Variants in DPP10 observed in about 807,000 individuals in gnomAD.
DPP10 encodes inactive dipeptidyl peptidase 10.
A neutral mutation model predicts 120.9 loss-of-function variants in DPP10; 33 were observed. The observed-to-expected ratio is 0.27, with a 90% CI of 0.21 to 0.37. The LOEUF is 0.37. Among genes scored for constraint, DPP10 ranks in the 10% least tolerant of loss-of-function variants. The probability of loss-of-function intolerance (pLI) is 1.00; values close to 1 mark genes in which losing one functional copy is unlikely to be tolerated. For missense variants in DPP10, 816 were observed against 942.8 expected (o/e 0.87, Z 1.76); for synonymous variants, 337 against 326.1 (o/e 1.03, Z -0.36).
rs886216941 is a variant in DPP10, at chr2:115,002,497, G to T, written c.61-306742G>T. Among the ~76,000 whole-genome samples, 8 of 150,656 alleles carry T rather than the reference G, an allele frequency of 5.3e-5. 1 individual carries two copies. The highest frequency in any genetic ancestry group is 1.2e-4 in the Non-Finnish European group (8 of 67,398). ...ATGACAGAGTCCAAAAGCAATTGCA[G>T]CAAAAACAAAAATTGATAAATGGCA... On this transcript the variant is annotated intron_variant, in intron 1 of 25. Transcript: ENST00000410059.
intron 1 of DPP10, among the ~76,000 whole-genome samples, chr2:114,478,782 A>G (rs566606167): frequency 5.9e-4 from 90 of 152,258 alleles, no homozygotes; most frequent in African/African-American, 1.8e-3. Flanking sequence ...CCAACTGTGA[A>G]CATACAACAA....
chr2:114,841,466 G>A (rs530839980), intron 1 of DPP10, among the ~76,000 whole-genome samples: 1 of 152,302 alleles, frequency 6.6e-6, no homozygotes, highest in South Asian at 2.1e-4. Flanking sequence ...AGCAATGAAT[G>A]CCTTTAGTAG....
At chr2:115,690,059 C>G (rs971090584) in intron 7 of DPP10, 138 bp downstream of exon 7, 1 of 712,326 alleles carries the variant, frequency 1.4e-6, no homozygotes, top group Non-Finnish European at 2.3e-6. Context: ...TATCTTTTAT[C>G]TAATAGTCCA....
chr2:115,441,934 G>A (rs559743533), intron 3 of DPP10, among the ~76,000 whole-genome samples: 2 of 149,788 alleles, frequency 1.3e-5, no homozygotes, highest in Non-Finnish European at 3.0e-5. Context: ...TCCTGCCTCA[G>A]CCTCCTGAGT....
intron 1 of DPP10, among the ~76,000 whole-genome samples, chr2:114,752,022 T>G (rs1005316380): frequency 6.6e-6 from 1 of 152,230 alleles, no homozygotes; most frequent in South Asian, 2.1e-4. Flanking sequence ...ATGTGCAGCA[T>G]GGCCCCAGTT....
rs149356261 is a variant in DPP10 at position 115,524,295 on chromosome 2, A to G, written c.367-1603A>G. Among the ~76,000 whole-genome samples the G allele has an allele frequency of 4.1e-4, 63 of 152,160 alleles. No individual in the cohort carries two copies. In the East Asian group the frequency reaches 0.012, roughly 29 times the overall value. On this transcript the variant is annotated intron_variant, in intron 4 of 25. Coordinates refer to ENST00000410059, the MANE Select transcript of DPP10 (RefSeq NM_020868.6). ...GGCTACAAATGTGAGGGTTCTCATT[A>G]CCCCTTTTCAGGCTGGAGAATTTCT...
chr2:114,895,488 T>A (rs1279571224), intron 1 of DPP10, among the ~76,000 whole-genome samples: 1 of 152,100 alleles, frequency 6.6e-6, no homozygotes, highest in Non-Finnish European at 1.5e-5. Flanking sequence ...AATGTCAAAA[T>A]CTCCCACAGT....
intron 3 of DPP10, among the ~76,000 whole-genome samples, chr2:115,442,599 A>G (rs1295640048): frequency 6.6e-6 from 1 of 152,190 alleles, no homozygotes; most frequent in Non-Finnish European, 1.5e-5. Flanking sequence ...TACAAAGGAA[A>G]GACAGTCGAA....
chr2:115,823,823 T>C (rs891423270), intron 21 of DPP10, among the ~76,000 whole-genome samples: 1 of 152,188 alleles, frequency 6.6e-6, no homozygotes, highest in Non-Finnish European at 1.5e-5. Context: ...AAACAAGTCT[T>C]CCTTGTAAGA....
chr2:115,414,816 A>G (rs1342526327), intron 3 of DPP10, among the ~76,000 whole-genome samples: 4 of 152,210 alleles, frequency 2.6e-5, no homozygotes, highest in African/African-American at 2.4e-5. Context: ...TTCATGCATC[A>G]AAAGCCAACT....
intron 1 of DPP10, among the ~76,000 whole-genome samples, chr2:114,542,422 C>T (rs1031248963): frequency 6.6e-6 from 1 of 152,146 alleles, no homozygotes; most frequent in African/African-American, 2.4e-5. Context: ...CACATGCTTT[C>T]CAGAAGGCTG....
At chr2:115,346,047 T>C (rs1374555888) in intron 3 of DPP10, among the ~76,000 whole-genome samples, 4 of 152,190 alleles carry the variant, frequency 2.6e-5, no homozygotes, top group Admixed American at 2.0e-4. Context: ...ATAAATACCA[T>C]TGAAGGAACT....
chr2:114,482,749 T>C (rs1681171190), intron 1 of DPP10, among the ~76,000 whole-genome samples: 1 of 152,186 alleles, frequency 6.6e-6, no homozygotes, highest in Non-Finnish European at 1.5e-5. Flanking sequence ...CTTTATTTTG[T>C]CAGAGATTGC....
intron 1 of DPP10, among the ~76,000 whole-genome samples, chr2:114,524,037 C>A (rs747374922): frequency 6.6e-6 from 1 of 152,222 alleles, no homozygotes; most frequent in Non-Finnish European, 1.5e-5. Context: ...TAAGAGAGGA[C>A]TAAAGTGTGG....
intron 8 of DPP10, among the ~76,000 whole-genome samples, chr2:115,735,684 ATTTTTTTTT>A (rs70941095): frequency 1.6e-5 from 1 of 62,460 alleles, no homozygotes; most frequent in African/African-American, 7.2e-5. Flanking sequence ...CGCCCAGCTA[ATTTTTTTTT>A]TTTTTTTTTT....
intron 3 of DPP10, among the ~76,000 whole-genome samples, chr2:115,472,713 T>A (rs555520563): frequency 6.6e-5 from 10 of 152,220 alleles, no homozygotes; most frequent in Non-Finnish European, 1.3e-4. Context: ...TGCTATTCAT[T>A]TCTTTATTTC....
intron 2 of DPP10, among the ~76,000 whole-genome samples, chr2:115,336,614 T>A (rs1357429380): frequency 4.0e-5 from 6 of 150,662 alleles, no homozygotes; most frequent in African/African-American, 1.5e-4. Context: ...TATATATATA[T>A]AATTGTGCCT....
At chr2:114,693,401 T>TG (rs898275204) in intron 1 of DPP10, among the ~76,000 whole-genome samples, 8 of 151,984 alleles carry the variant, frequency 5.3e-5, no homozygotes, top group African/African-American at 1.9e-4. Flanking sequence ...CGTTGAATAT[T>TG]GGCCCCCAAT....
At chr2:114,585,183 C>G (rs1375579191) in intron 1 of DPP10, among the ~76,000 whole-genome samples, 2 of 152,124 alleles carry the variant, frequency 1.3e-5, no homozygotes, top group African/African-American at 4.8e-5. Flanking sequence ...TTTGGAGACT[C>G]TAGGGAAGAG....
Sources: gnomAD v4.1 joint callset for allele counts (sites outside exome capture counted in the v4.1 genomes callset) on GRCh38, gnomAD v4.1.1 for gene constraint, MANE v1.5 for transcripts, NCBI Gene and HGNC (gene_info 2026-07-23, HGNC 2026-07-21) for gene names.